The following RNF41 variants were observed in gnomAD, a reference collection of about 807,000 sequenced individuals.
RNF41 encodes E3 ubiquitin-protein ligase NRDP1.
Under a neutral mutation model 33.0 loss-of-function variants are expected in RNF41, and 4 were observed. That is an observed-to-expected ratio of 0.12 (90% confidence interval 0.06 to 0.28). The LOEUF is 0.28. Ranked by LOEUF, RNF41 falls within the 10% of genes least tolerant of loss-of-function variation. The pLI is 1.00. For synonymous variants in RNF41, 164 were observed against 153.2 expected (o/e 1.07, Z -0.52); for missense variants, 228 against 432.6 (o/e 0.53, Z 4.19).
At chr12:56,212,418 A>C (rs568957160) in intron 3 of RNF41, among the ~76,000 whole-genome samples, 1 of 152,284 alleles carries the variant, frequency 6.6e-6, no homozygotes, top group East Asian at 1.9e-4. Context: ...TGGCATCATG[A>C]GGGTTGCCTG....
intron 3 of RNF41, among the ~76,000 whole-genome samples, chr12:56,210,925 G>A (rs557138386): frequency 2.2e-4 from 34 of 152,178 alleles, no homozygotes; most frequent in Non-Finnish European, 4.3e-4. Context: ...AGTGGCTCAC[G>A]CCTGTAATCT....
At chr12:56,213,824 A>T (rs1868657123) in intron 3 of RNF41, 134 bp downstream of exon 3, 1 of 702,434 alleles carries the variant, frequency 1.4e-6, no homozygotes, top group Admixed American at 2.1e-5. Context: ...TACTCCTTTG[A>T]CCTAAATCTC....
Position 56,208,196 on chromosome 12 carries a change from C to G in RNF41, c.465G>C (p.Thr155=). 6.2e-7 allele frequency: 1 copy of G among 1,614,218 alleles called. No homozygotes were observed. Among genetic ancestry groups the G allele is most frequent in the Admixed American group, 1.7e-5 (1 of 60,024 alleles). Residue 155 remains threonine (T), a synonymous_variant, in exon 5 of 7, where the codon ACG becomes ACC. Coordinates refer to ENST00000345093, the MANE Select transcript of RNF41 (RefSeq NM_005785.4). ...QQTRIAELEK[T]SAEHKHQLAE... ...CCAGCTGGTGTTTGTGTTCAGCTGA[C>G]GTCTTCTCCAGCTCTGCGATGCGTG...
At position 56,211,174 on chromosome 12, in the gene RNF41, G is replaced by GA. The variant is rs61231496; in HGVS notation, c.91-607dup. 1.3e-4 allele frequency among the ~76,000 whole-genome samples: 19 copies of GA among 146,816 alleles called. No individual in the cohort carries two copies. In the South Asian group the frequency reaches 1.7e-3, roughly 13 times the overall value. On this transcript the variant is annotated intron_variant, in intron 3 of 6. Transcript: ENST00000345093. ...CACTCTAGCCTGGGCAATACATCTCGAAAAAAAAAAGCTGGGCCTGGTGGC... is the reference window on the plus strand; with the variant it reads ...CACTCTAGCCTGGGCAATACATCTCGAAAAAAAAAAAGCTGGGCCTGGTGGC...
chr12:56,203,074 TTC>T lies in RNF41; in HGVS notation c.*3371_*3372del. On this transcript the variant is annotated 3_prime_UTR_variant, in exon 7 of 7. Transcript: ENST00000345093. ...GCACAGAAATGCCTTTTTTTTTTTT[TTC>T]AAGCCACTAGAGTATCAAGAGTACT... is the stretch of plus-strand genomic sequence containing the variant. 1 of 152,080 alleles carries T rather than the reference TTC, an allele frequency of 6.6e-6. No individual in the cohort carries two copies. The highest frequency in any genetic ancestry group is 1.9e-4 in the East Asian group (1 of 5,186). The allele number at this position is 152,080 out of a possible 1,614,324, so 9.4% of individuals were successfully genotyped here.
chr12:56,206,242 A>C lies in RNF41; in HGVS notation c.*205T>G. On this transcript the variant is annotated 3_prime_UTR_variant, in exon 7 of 7. Coordinates refer to ENST00000345093, the MANE Select transcript of RNF41 (RefSeq NM_005785.4). This position sits in a 1 kb window ranked among gnomAD's most constrained non-coding sequence, Gnocchi z 5.7. ...GATAATTTATAGACATTTTAGGGGA[A>C]TATGGCAAAGGGAGGAAATCTGGGT... 1 of 570,892 alleles carries C rather than the reference A, an allele frequency of 1.8e-6. No homozygotes were observed. Among genetic ancestry groups the C allele is most frequent in the Non-Finnish European group, 3.1e-6 (1 of 322,354 alleles). 35.4% of individuals were successfully genotyped at this position (570,892 alleles called of 1,614,324 possible).
In RNF41 at chr12:56,206,794, C is replaced by T; in HGVS notation, c.607G>A (p.Val203Met). The T allele has an allele frequency of 6.2e-7, 1 of 1,610,478 alleles. No homozygotes were observed. ...TIEYNEILEWVNSLQPARVTR... is the reference protein window; with the variant it reads ...TIEYNEILEWMNSLQPARVTR... Reference sequence around the variant, plus strand: ...ACTCTTGCTGGCTGAAGGGAGTTCACCCACCTGTGTGGAGGTGGTTAAAGA... The same window carrying T: ...ACTCTTGCTGGCTGAAGGGAGTTCATCCACCTGTGTGGAGGTGGTTAAAGA... Residue 203 changes from valine to methionine, a missense_variant, in exon 7 of 7, where the codon GTG becomes ATG. By Grantham distance (21) the Val-to-Met change is conservative. Around this residue, in one of 2 missense-constraint regions of RNF41, gnomAD observed 199 missense variants for 334.6 expected, o/e 0.59. Coordinates refer to ENST00000345093, the MANE Select transcript of RNF41 (RefSeq NM_005785.4). This position sits in a 1 kb window ranked among gnomAD's most constrained non-coding sequence, Gnocchi z 5.7.
chr12:56,212,864 T>C, intron 3 of RNF41: 1 of 640,554 alleles, frequency 1.6e-6, no homozygotes, highest in South Asian at 1.7e-5. Context: ...GTTTGGAAAA[T>C]GTGATAATCT....
At chr12:56,207,845 A>G (rs1868302875) in intron 5 of RNF41, 96 bp from the exon 6 acceptor site, 9 of 973,750 alleles carry the variant, frequency 9.2e-6, no homozygotes, top group Non-Finnish European at 1.5e-5. Context: ...AGAGATCTGA[A>G]GAACAACCAG....
chr12:56,211,406 GACAA>G (rs1362099955), intron 3 of RNF41, among the ~76,000 whole-genome samples: 1 of 151,760 alleles, frequency 6.6e-6, no homozygotes, highest in Non-Finnish European at 1.5e-5. Context: ...TGTGAAACAA[GACAA>G]ACAAGTAAAA....
intron 2 of RNF41, among the ~76,000 whole-genome samples, chr12:56,216,121 CAAAAAA>C (rs967992100): frequency 7.9e-6 from 1 of 126,738 alleles, no homozygotes; most frequent in Non-Finnish European, 1.7e-5. Context: ...GACTCTGTCT[CAAAAAA>C]AAAAAAGAAG....
chr12:56,214,608 G>A (rs555919285), intron 2 of RNF41, among the ~76,000 whole-genome samples: 1 of 147,652 alleles, frequency 6.8e-6, no homozygotes, highest in African/African-American at 2.5e-5. Context: ...ACAGGCAGAT[G>A]AGCTGAGGTC....
At chr12:56,219,871 C>T (rs1370409816) in intron 1 of RNF41, among the ~76,000 whole-genome samples, 3 of 151,224 alleles carry the variant, frequency 2.0e-5, no homozygotes, top group Admixed American at 6.6e-5. Context: ...AAAAATTAGC[C>T]GGGCATGATG....
Position 56,207,627 on chromosome 12 carries a change from C to A in RNF41, c.602+19G>T. 1 of 1,534,718 alleles carries A rather than the reference C, an allele frequency of 6.5e-7. No homozygotes were observed. The highest frequency in any genetic ancestry group is 1.1e-5 in the South Asian group (1 of 89,488). On this transcript the variant is annotated intron_variant, in intron 6 of 6. Transcript: ENST00000345093. ...GTTGTCAGGACATGAAATCACTCCA[C>A]GTCCTGAGTGACACTCACTCTAGGA... is the stretch of plus-strand genomic sequence containing the variant.
At chr12:56,208,124 A>G (rs745397046) in intron 5 of RNF41, 39 bp downstream of exon 5, 19 of 1,613,558 alleles carry the variant, frequency 1.2e-5, no homozygotes, top group Non-Finnish European at 1.4e-5. Context: ...AGTTATCTGC[A>G]TATGAGGGAT....
At chr12:56,211,919 C>A (rs1868512276) in intron 3 of RNF41, among the ~76,000 whole-genome samples, 1 of 151,976 alleles carries the variant, frequency 6.6e-6, no homozygotes, top group Non-Finnish European at 1.5e-5. Flanking sequence ...TTGCAGTGAG[C>A]CAAGATCATG....
Position 56,205,985 on chromosome 12 carries a change from T to C in RNF41, c.*462A>G, listed in dbSNP as rs79798466. On this transcript the variant is annotated 3_prime_UTR_variant, in exon 7 of 7. Coordinates refer to ENST00000345093, the MANE Select transcript of RNF41 (RefSeq NM_005785.4). ...GGCCAATTAACGGCCTCACTACTTATTTCTAGAGATTTGGCTCCACCCTTA... is the reference window on the plus strand; with the variant it reads ...GGCCAATTAACGGCCTCACTACTTACTTCTAGAGATTTGGCTCCACCCTTA... The C allele has an allele frequency of 3.2e-4, 52 of 163,360 alleles. No homozygotes were observed. The highest frequency in any genetic ancestry group is 6.4e-4 in the Non-Finnish European group (47 of 73,674). 10.1% of individuals were successfully genotyped at this position (163,360 alleles called of 1,614,324 possible).
At chr12:56,216,973 T>C (rs1198048735) in intron 1 of RNF41, among the ~76,000 whole-genome samples, 1 of 151,632 alleles carries the variant, frequency 6.6e-6, no homozygotes, top group Admixed American at 6.6e-5. Context: ...ACCCCGTCTC[T>C]ACTAAAAATA....
At position 56,209,154 on chromosome 12, in the gene RNF41, C is replaced by T. The variant is rs542662838; in HGVS notation, c.363-856G>A. Among the ~76,000 whole-genome samples the T allele has an allele frequency of 3.2e-4, 49 of 152,282 alleles. 1 individual carries two copies. The South Asian group carries it at 8.1e-3, about 25-fold the overall frequency. On this transcript the variant is annotated intron_variant, in intron 4 of 6. Transcript: ENST00000345093. ...TGCTGGGATTACAGGCGTGAGCCAC[C>T]GCACGGGGCCTATTTATTTATTTTG... is the stretch of plus-strand genomic sequence containing the variant.
Sources: gnomAD v4.1 joint callset for allele counts (sites outside exome capture counted in the v4.1 genomes callset) on GRCh38, gnomAD v4.1.1 for gene constraint, gnomAD v4.1.1 regional missense constraint, Gnocchi (gnomAD v3.1) non-coding constraint, MANE v1.5 for transcripts, NCBI Gene and HGNC (gene_info 2026-07-23, HGNC 2026-07-21) for gene names.